The following PDE10A variants were observed in gnomAD, a reference collection of about 807,000 sequenced individuals.
PDE10A encodes phosphodiesterase 10A, also known as cAMP and cAMP-inhibited cGMP 3',5'-cyclic phosphodiesterase 10A.
In PDE10A, 39 loss-of-function variants were observed where a neutral mutation model predicts 97.7. The ratio of observed to expected loss-of-function variants is 0.40; its 90% confidence interval spans 0.31 to 0.52. PDE10A has a LOEUF of 0.52. Ranked by LOEUF, PDE10A falls within the 20% of genes least tolerant of loss-of-function variation. PDE10A has a pLI of 0.56. For missense variants in PDE10A, 731 were observed against 1,047.8 expected (o/e 0.70, Z 4.17); for synonymous variants, 371 against 376.8 (o/e 0.98, Z 0.18).
chr6:165,504,964 T>A (rs908101505), intron 2 of PDE10A, among the ~76,000 whole-genome samples: 1 of 152,178 alleles, frequency 6.6e-6, no homozygotes, highest in African/African-American at 2.4e-5. Context: ...GGTTCCCACT[T>A]TCCTGAGGAG....
At chr6:165,957,066 G>T (rs570026636) in intron 1 of PDE10A, among the ~76,000 whole-genome samples, 1 of 152,240 alleles carries the variant, frequency 6.6e-6, no homozygotes, top group Non-Finnish European at 1.5e-5. Flanking sequence ...TGACCTCCTG[G>T]CTACTAGTGC....
intron 1 of PDE10A, among the ~76,000 whole-genome samples, chr6:165,937,954 GT>G (rs1158403800): frequency 6.6e-6 from 1 of 152,028 alleles, no homozygotes; most frequent in Non-Finnish European, 1.5e-5. Context: ...GACAATAAAT[GT>G]TAAAAAAAAA....
chr6:165,570,202 A>G (rs959838980), intron 1 of PDE10A, among the ~76,000 whole-genome samples: 1 of 152,154 alleles, frequency 6.6e-6, no homozygotes. Context: ...CTCCTTTCTG[A>G]AAAAAAGTAT....
chr6:165,346,801 A>G lies in PDE10A; in HGVS notation c.2784-3299T>C, dbSNP rs183061768. Among the ~76,000 whole-genome samples the G allele has an allele frequency of 7.2e-5, 11 of 152,284 alleles. No individual in the cohort carries two copies. The East Asian group carries it at 2.1e-3, about 29-fold the overall frequency. The stretch of plus-strand genomic sequence containing the variant: ...GAAAAGAAGAAACACCCATTCTCTA[A>G]TTTTATAATGATTATTTGAAATTTC... On this transcript the variant is annotated intron_variant, in intron 18 of 21. Coordinates refer to ENST00000539869, the MANE Select transcript of PDE10A (RefSeq NM_001385079.1).
rs1365476685 is a variant in PDE10A, at chr6:165,540,401, C to T, written c.994+3039G>A. On this transcript the variant is annotated intron_variant, in intron 2 of 21. Coordinates refer to ENST00000539869, the MANE Select transcript of PDE10A (RefSeq NM_001385079.1). The stretch of plus-strand genomic sequence containing the variant: ...TATTTATGGGGTACAGTGTGTTACA[C>T]GGTTTTATTTCATTTTCTTTTTTCT... 3.9e-5 allele frequency among the ~76,000 whole-genome samples: 6 copies of T among 151,970 alleles called. No individual in the cohort carries two copies. In the East Asian group the frequency reaches 5.8e-4, roughly 15 times the overall value.
intron 5 of PDE10A, 65 bp from the exon 6 acceptor site, chr6:165,435,442 G>A (rs1343510119): frequency 1.0e-5 from 14 of 1,347,540 alleles, no homozygotes; most frequent in South Asian, 8.8e-5. Context: ...AAAGACACAC[G>A]TGAATCCTAA....
chr6:165,695,992 AAG>A (rs1791434902), intron 1 of PDE10A, among the ~76,000 whole-genome samples: 1 of 152,160 alleles, frequency 6.6e-6, no homozygotes, highest in Non-Finnish European at 1.5e-5. Flanking sequence ...AAGTCAAGAA[AAG>A]AGAGGAAGAG....
chr6:165,455,300 C>A (rs1777890102), intron 3 of PDE10A, among the ~76,000 whole-genome samples: 1 of 152,044 alleles, frequency 6.6e-6, no homozygotes, highest in Non-Finnish European at 1.5e-5. Context: ...AGGTTTGTCT[C>A]AAAAATGAGC....
chr6:165,953,021 A>G (rs705790), intron 1 of PDE10A, among the ~76,000 whole-genome samples: 145,123 of 152,232 alleles, frequency 0.95, 69,218 homozygotes, highest in East Asian at 1. Flanking sequence ...AGGGAGACTC[A>G]TAAAATGAAA....
intron 1 of PDE10A, among the ~76,000 whole-genome samples, chr6:165,941,305 G>A (rs138111956): frequency 8.5e-4 from 129 of 152,258 alleles, no homozygotes; most frequent in African/African-American, 2.8e-3. Flanking sequence ...ATGGACTCGG[G>A]CCTTTCTGAA....
At chr6:165,390,446 G>A (rs1054263277) in intron 16 of PDE10A, among the ~76,000 whole-genome samples, 1 of 152,210 alleles carries the variant, frequency 6.6e-6, no homozygotes, top group African/African-American at 2.4e-5. Flanking sequence ...AAGTAACAGG[G>A]AGGGAGCTGA....
chr6:165,727,423 G>A lies in PDE10A; in HGVS notation c.-614-183855C>T, dbSNP rs192829299. Among the ~76,000 whole-genome samples the A allele has an allele frequency of 2.2e-3, 333 of 152,344 alleles. 1 individual carries two copies. The highest frequency in any genetic ancestry group is 3.8e-3 in the Non-Finnish European group (257 of 68,034). The stretch of plus-strand genomic sequence containing the variant: ...GAGGGAGAGAGAGGAGGCTTTCCAG[G>A]AGCCTGGGGCTTTTCAAAAGACAAG... On this transcript the variant is annotated intron_variant, in intron 1 of 19. Coordinates refer to the PDE10A transcript ENST00000366882.
At position 165,418,601 on chromosome 6, in the gene PDE10A, G is replaced by GT. The variant is rs1186436758; in HGVS notation, c.1796+33dup. Reference sequence around the variant, plus strand: ...GTAACGGAACGCCTGCACATCTACCGTAAGAGGATAGGACATTCTACTTCT... The same window carrying GT: ...GTAACGGAACGCCTGCACATCTACCGTTAAGAGGATAGGACATTCTACTTCT... On this transcript the variant is annotated intron_variant, in intron 11 of 21. Coordinates refer to ENST00000539869, the MANE Select transcript of PDE10A (RefSeq NM_001385079.1). This position sits in a 1 kb window ranked among gnomAD's most constrained non-coding sequence, Gnocchi z 4.8. 6.2e-7 allele frequency: 1 copy of GT among 1,600,126 alleles called. No homozygotes were observed. Among genetic ancestry groups the GT allele is most frequent in the Non-Finnish European group, 8.5e-7 (1 of 1,174,150 alleles).
At chr6:165,677,186 T>A (rs186362480) in intron 1 of PDE10A, among the ~76,000 whole-genome samples, 31 of 152,330 alleles carry the variant, frequency 2.0e-4, no homozygotes, top group African/African-American at 6.7e-4. Context: ...CTGTCCACGG[T>A]GTGGCTGGGC....
chr6:165,744,181 A>G (rs1346423777), intron 1 of PDE10A, among the ~76,000 whole-genome samples: 1 of 152,258 alleles, frequency 6.6e-6, no homozygotes, highest in Non-Finnish European at 1.5e-5. Context: ...ATTCATTTTT[A>G]TAAGGACAAT....
At chr6:165,483,361 A>T (rs775618879) in intron 2 of PDE10A, among the ~76,000 whole-genome samples, 62 of 152,220 alleles carry the variant, frequency 4.1e-4, no homozygotes, top group Non-Finnish European at 6.8e-4. Context: ...ATTAATACAC[A>T]CTTGCTCATA....
Position 165,965,223 on chromosome 6 carries a change from C to G in PDE10A, c.-615+22306G>C, listed in dbSNP as rs140535792. On this transcript the variant is annotated intron_variant, in intron 1 of 19. Coordinates refer to the PDE10A transcript ENST00000366882. ...CACAGCAGGGAAGAGGTAGGTGCCC[C>G]GAGGAGAGGGATGGCGAGGAGGTGG... Among the ~76,000 whole-genome samples, 666 of 152,182 alleles carry G rather than the reference C, an allele frequency of 4.4e-3. 8 individuals carry two copies. The highest frequency in any genetic ancestry group is 0.015 in the African/African-American group (640 of 41,512).
chr6:165,522,876 A>C (rs1444696500), intron 2 of PDE10A, among the ~76,000 whole-genome samples: 1 of 152,122 alleles, frequency 6.6e-6, no homozygotes, highest in Non-Finnish European at 1.5e-5. Flanking sequence ...AGAAAACCCT[A>C]AACAATCTAC....
At chr6:165,894,556 A>G (rs1320688964) in intron 1 of PDE10A, 1 of 456,038 alleles carries the variant, frequency 2.2e-6, no homozygotes, top group East Asian at 7.0e-5. Flanking sequence ...CGGGGAGCCA[A>G]GAGTAGTTCT....
Sources: allele counts gnomAD v4.1 joint callset (sites outside exome capture counted in the v4.1 genomes callset), GRCh38; gene constraint gnomAD v4.1.1; non-coding constraint Gnocchi (gnomAD v3.1); transcripts MANE v1.5; gene names NCBI Gene and HGNC (gene_info 2026-07-23, HGNC 2026-07-21).